Variants in OTUD7B observed in about 807,000 individuals in gnomAD.
OTUD7B encodes the protein OTU deubiquitinase 7B, also known as OTU domain-containing protein 7B.
OTUD7B carries 34 observed loss-of-function variants against 82.2 expected under a neutral mutation model. The observed-to-expected ratio is 0.41, with a 90% CI of 0.31 to 0.55. The LOEUF (loss-of-function observed/expected upper bound fraction) is 0.55. Among genes scored for constraint, OTUD7B ranks in the 20% least tolerant of loss-of-function variants. The pLI is 0.20. For synonymous variants in OTUD7B, 398 were observed against 402.7 expected (o/e 0.99, Z 0.14); for missense variants, 944 against 1,062.1 (o/e 0.89, Z 1.55).
the OTUD7B span, chr1:150,053,976 A>G: frequency 2.6e-6 from 1 of 382,870 alleles, no homozygotes; most frequent in Admixed American, 3.5e-5. Context: ...AAGAAGCCCA[A>G]GAACAGGAAG....
In OTUD7B at chr1:149,943,803, A is replaced by C. The variant is rs1647437909; in HGVS notation, c.*54T>G. On this transcript the variant is annotated 3_prime_UTR_variant, in exon 12 of 12. Coordinates refer to ENST00000581312, the MANE Select transcript of OTUD7B (RefSeq NM_020205.4). ...ATGGGGACTGTGTTCTTGATGAGCC[A>C]ATTAGTTGAGCTTAACTTTGTTTAG... 1 of 1,540,278 alleles carries C rather than the reference A, an allele frequency of 6.5e-7. No individual in the cohort carries two copies. The highest frequency in any genetic ancestry group is 2.3e-5 in the East Asian group (1 of 44,370).
intron 7 of OTUD7B, among the ~76,000 whole-genome samples, chr1:149,955,434 C>T (rs1303774365): frequency 2.6e-5 from 4 of 152,152 alleles, no homozygotes; most frequent in African/African-American, 9.7e-5. Flanking sequence ...TGTTCTTTTA[C>T]ATTTGCTGAG....
intron 4 of OTUD7B, among the ~76,000 whole-genome samples, chr1:149,966,512 A>G (rs1649528880): frequency 6.6e-6 from 1 of 152,220 alleles, no homozygotes; most frequent in Non-Finnish European, 1.5e-5. Context: ...GGAATGAGCA[A>G]TAAGATAAAG....
the OTUD7B span, among the ~76,000 whole-genome samples, chr1:150,022,423 ATAACT>A: frequency 4.0e-4 from 12 of 30,234 alleles, 6 homozygotes; most frequent in Non-Finnish European, 4.5e-4. Flanking sequence ...AAAAAAAAAA[ATAACT>A]ACATGCTGAA....
In OTUD7B at chr1:149,944,548, G is replaced by T. The variant is rs781799227; in HGVS notation, c.1841C>A (p.Thr614Asn). Residue 614 changes from threonine (T) to asparagine (N), a missense_variant, in exon 12 of 12, where the codon ACC (threonine) becomes AAC (asparagine). Transcript: ENST00000581312. The stretch of plus-strand genomic sequence containing the variant: ...CTGGTGACGGTGACCCATCTTCAGG[G>T]TTCCAACAAAAATAAACTTCCCCTC... ...QGEGKFIFVG[T>N]LKMGHRHQYQ... 6.2e-7 allele frequency: 1 copy of T among 1,614,006 alleles called. No individual in the cohort carries two copies. The highest frequency in any genetic ancestry group is 8.5e-7 in the Non-Finnish European group (1 of 1,179,988).
At chr1:150,022,114 T>C in the OTUD7B span, among the ~76,000 whole-genome samples, 1 of 152,126 alleles carries the variant, frequency 6.6e-6, no homozygotes, top group Non-Finnish European at 1.5e-5. Context: ...AATCTCATGC[T>C]GGGCTGGGCA....
intron 1 of OTUD7B, among the ~76,000 whole-genome samples, chr1:149,985,742 G>A (rs1553780628): frequency 8.4e-5 from 1 of 11,852 alleles, no homozygotes; most frequent in East Asian, 2.5e-3. Flanking sequence ...GTGAGACCCT[G>A]TATGAAAAAA....
chr1:150,017,083 A>C, the OTUD7B span, among the ~76,000 whole-genome samples: 1 of 152,256 alleles, frequency 6.6e-6, no homozygotes, highest in African/African-American at 2.4e-5. Context: ...TTTGCTCATA[A>C]GTGAACCGCT....
intron 1 of OTUD7B, among the ~76,000 whole-genome samples, chr1:150,008,497 A>C (rs1652811080): frequency 6.6e-6 from 1 of 152,240 alleles, no homozygotes; most frequent in Non-Finnish European, 1.5e-5. Context: ...ATTAGCATTC[A>C]TTACCAGTCA....
At chr1:149,975,805 C>T (rs1270186630) in intron 2 of OTUD7B, among the ~76,000 whole-genome samples, 1 of 151,868 alleles carries the variant, frequency 6.6e-6, no homozygotes, top group Admixed American at 6.6e-5. Flanking sequence ...GGGTAGATCA[C>T]GAGTCAGGAG....
intron 1 of OTUD7B, among the ~76,000 whole-genome samples, chr1:150,005,662 C>T (rs1652612552): frequency 6.8e-6 from 1 of 147,864 alleles, no homozygotes; most frequent in African/African-American, 2.5e-5. Flanking sequence ...CTGCCCATTC[C>T]TTTTTTTTTT....
In OTUD7B at chr1:149,944,173, G is replaced by C. The variant is rs1246599136; in HGVS notation, c.2216C>G (p.Pro739Arg). 21 of 1,613,818 alleles carry C rather than the reference G, an allele frequency of 1.3e-5. No individual in the cohort carries two copies. Among genetic ancestry groups the C allele is most frequent in the Non-Finnish European group, 1.6e-5 (19 of 1,179,876 alleles). The change falls in exon 12 of 12, where the codon CCC becomes CGC. Residue 739 changes from proline to arginine, a missense_variant. Physicochemically the swap from Pro to Arg is moderately radical, Grantham distance 103. Transcript: ENST00000581312. ...AGGGATGCTGTCCTGGTGGGGGTAG[G>C]GTCGCCCAGGAGGGCACTGTCTGGG... ...TFPRQCPPGR[P>R]YPHQDSIPSL... is the part of the protein sequence containing the mutation.
the OTUD7B span, among the ~76,000 whole-genome samples, chr1:150,059,307 C>CA: frequency 1.3e-4 from 7 of 54,168 alleles, 2 homozygotes; most frequent in East Asian, 5.0e-4. Flanking sequence ...CCCCCCCCCC[C>CA]CCCGCCTCCC....
intron 10 of OTUD7B, among the ~76,000 whole-genome samples, chr1:149,948,756 T>G (rs1460607229): frequency 6.6e-6 from 1 of 152,194 alleles, no homozygotes; most frequent in Non-Finnish European, 1.5e-5. Context: ...CAAGTTGAGA[T>G]GCTAGGATTC....
intron 1 of OTUD7B, among the ~76,000 whole-genome samples, chr1:150,009,147 A>C (rs1652860563): frequency 6.6e-6 from 1 of 152,256 alleles, no homozygotes; most frequent in South Asian, 2.1e-4. Flanking sequence ...AGTTATACAC[A>C]GCAAATATTT....
chr1:149,996,143 G>A (rs587758657), intron 1 of OTUD7B, among the ~76,000 whole-genome samples: 3 of 152,294 alleles, frequency 2.0e-5, no homozygotes, highest in East Asian at 3.9e-4. Flanking sequence ...AAGCAGGCAC[G>A]AACTTTCAGG....
In OTUD7B at chr1:149,944,787, C is replaced by T. The variant is rs368671751; in HGVS notation, c.1602G>A (p.Gly534=). 6 of 1,614,034 alleles carry T rather than the reference C, an allele frequency of 3.7e-6. No homozygotes were observed. Among genetic ancestry groups the T allele is most frequent in the Middle Eastern group, 1.6e-4 (1 of 6,084 alleles). ...TGCTTCCTCCCAACCCTGTCCCCAC[C>T]CCTCCAGGCTTTGAACCCTTGCTGT... ...LMHSKGSKPG[G]VGTGLGGSSG... Residue 534 remains glycine, a synonymous_variant, in exon 12 of 12, where the codon GGG becomes GGA. Transcript: ENST00000581312.
chr1:149,959,714 T>A lies in OTUD7B; in HGVS notation c.815A>T (p.His272Leu). The change falls in exon 7 of 12, where the codon CAT becomes CTT. Residue 272 changes from histidine to leucine, a missense_variant. By Grantham distance (99) the His-to-Leu change is moderately conservative. Coordinates refer to ENST00000581312, the MANE Select transcript of OTUD7B (RefSeq NM_020205.4). Reference protein sequence around the residue: ...IKLASSEPRMHLGTNGANCGG... With the variant: ...IKLASSEPRMLLGTNGANCGG... ...ACAGTTGGCTCCATTGGTACCTAGA[T>A]GCATTCGGGGTTCACTTGAGGCAAG... 1 of 1,613,778 alleles carries A rather than the reference T, an allele frequency of 6.2e-7. No homozygotes were observed. The highest frequency in any genetic ancestry group is 1.1e-5 in the South Asian group (1 of 91,082).
At chr1:149,987,988 C>A (rs1404578113) in intron 1 of OTUD7B, among the ~76,000 whole-genome samples, 1 of 152,144 alleles carries the variant, frequency 6.6e-6, no homozygotes, top group African/African-American at 2.4e-5. Context: ...CCTACCTCCC[C>A]CACCTGTACC....
Sources: gnomAD v4.1 joint callset for allele counts (sites outside exome capture counted in the v4.1 genomes callset) on GRCh38, gnomAD v4.1.1 for gene constraint, MANE v1.5 for transcripts, NCBI Gene and HGNC (gene_info 2026-07-23, HGNC 2026-07-21) for gene names.